GRID2: variants seen among roughly 807,000 people sequenced by gnomAD.
GRID2 encodes glutamate ionotropic receptor delta type subunit 2, also known as glutamate receptor ionotropic, delta-2.
A neutral mutation model predicts 114.8 loss-of-function variants in GRID2; 33 were observed. That is an observed-to-expected ratio of 0.29 (90% CI 0.22 to 0.38). The LOEUF (loss-of-function observed/expected upper bound fraction) is 0.38. GRID2 is among the 10% of genes least tolerant of loss of function. The pLI is 1.00. For synonymous variants in GRID2, 505 were observed against 449.9 expected (o/e 1.12, Z -1.55); for missense variants, 1,184 against 1,257.7 (o/e 0.94, Z 0.89).
chr4:92,573,527 G>A (rs1035091867), intron 1 of GRID2, among the ~76,000 whole-genome samples: 6 of 152,080 alleles, frequency 3.9e-5, no homozygotes, highest in African/African-American at 7.2e-5. Context: ...GTTGTCATTA[G>A]TTACAAAGAA....
At chr4:92,656,543 A>C (rs1236215801) in intron 2 of GRID2, among the ~76,000 whole-genome samples, 1 of 151,740 alleles carries the variant, frequency 6.6e-6, no homozygotes, top group Admixed American at 6.6e-5. Context: ...ATTGGTCTGT[A>C]TAATGGCACA....
intron 2 of GRID2, among the ~76,000 whole-genome samples, chr4:92,848,757 A>T (rs747305694): frequency 7.9e-5 from 12 of 151,896 alleles, no homozygotes; most frequent in Non-Finnish European, 1.8e-4. Flanking sequence ...AGAGGAGATT[A>T]AGTTTAAATG....
chr4:93,154,686 G>A (rs1462744939), intron 4 of GRID2, among the ~76,000 whole-genome samples: 1 of 151,698 alleles, frequency 6.6e-6, no homozygotes. Flanking sequence ...CATTTAATGA[G>A]TATTTGTGAA....
chr4:93,291,791 T>C (rs866856324), intron 8 of GRID2, among the ~76,000 whole-genome samples: 1 of 152,160 alleles, frequency 6.6e-6, no homozygotes, highest in Non-Finnish European at 1.5e-5. Flanking sequence ...TTTTTCTTTT[T>C]TAATTGACAA....
chr4:93,235,024 A>T (rs1436222604), intron 7 of GRID2, among the ~76,000 whole-genome samples: 2 of 152,120 alleles, frequency 1.3e-5, no homozygotes, highest in African/African-American at 4.8e-5. Context: ...TCATAAACAG[A>T]ATGACATAAA....
intron 8 of GRID2, among the ~76,000 whole-genome samples, chr4:93,375,471 A>G (rs1376456784): frequency 6.6e-6 from 1 of 151,912 alleles, no homozygotes; most frequent in Non-Finnish European, 1.5e-5. Context: ...TCATTTTCCC[A>G]AAGTGCTGGG....
chr4:93,083,058 A>G (rs997328218), intron 2 of GRID2, among the ~76,000 whole-genome samples: 2 of 152,134 alleles, frequency 1.3e-5, no homozygotes, highest in African/African-American at 4.8e-5. Flanking sequence ...TTTGTGGTAG[A>G]AGTATGTAAA....
intron 2 of GRID2, among the ~76,000 whole-genome samples, chr4:92,874,729 G>T (rs181052907): frequency 3.3e-5 from 5 of 152,268 alleles, no homozygotes; most frequent in East Asian, 3.9e-4. Flanking sequence ...CGCCATGAGC[G>T]TTTGGGGACT....
chr4:92,525,148 T>C (rs913499430), intron 1 of GRID2, among the ~76,000 whole-genome samples: 1 of 151,884 alleles, frequency 6.6e-6, no homozygotes, highest in Admixed American at 6.6e-5. Flanking sequence ...ATCAAAGAAC[T>C]GGTGGAACCA....
chr4:93,616,924 T>C (rs943187233), intron 13 of GRID2, among the ~76,000 whole-genome samples: 8 of 149,512 alleles, frequency 5.4e-5, no homozygotes, highest in South Asian at 2.1e-4. Flanking sequence ...ACCCGGGAGG[T>C]GGAGCTTGCG....
chr4:93,612,139 C>A (rs1239625498), intron 13 of GRID2, among the ~76,000 whole-genome samples: 3 of 151,906 alleles, frequency 2.0e-5, no homozygotes, highest in Non-Finnish European at 2.9e-5. Flanking sequence ...GCAACCCCTG[C>A]CTTTTTTTGT....
In GRID2 at chr4:93,120,828, C is replaced by T. The variant is rs529094787; in HGVS notation, c.735+9875C>T. Among the ~76,000 whole-genome samples, 8 of 152,186 alleles carry T rather than the reference C, an allele frequency of 5.3e-5. No homozygotes were observed. The East Asian group carries it at 9.7e-4, about 18-fold the overall frequency. Reference sequence around the variant, plus strand: ...ATTAGCCGGGCATGGTGGCGGGCACCTGTAGTCCCAGCTACTCAGGAGGCT... The same window carrying T: ...ATTAGCCGGGCATGGTGGCGGGCACTTGTAGTCCCAGCTACTCAGGAGGCT... On this transcript the variant is annotated intron_variant, in intron 4 of 15. Transcript: ENST00000282020.
At chr4:93,671,181 T>C (rs1413491152) in intron 14 of GRID2, among the ~76,000 whole-genome samples, 2 of 152,198 alleles carry the variant, frequency 1.3e-5, no homozygotes, top group African/African-American at 4.8e-5. Flanking sequence ...CATGTTTCGC[T>C]GTGGCAGAAA....
At chr4:92,350,883 A>G (rs967946762) in intron 1 of GRID2, among the ~76,000 whole-genome samples, 1 of 151,808 alleles carries the variant, frequency 6.6e-6, no homozygotes, top group Non-Finnish European at 1.5e-5. Flanking sequence ...CTGTCTCAAT[A>G]AATTGCCTGT....
intron 1 of GRID2, among the ~76,000 whole-genome samples, chr4:92,421,135 GCT>G (rs974037396): frequency 1.1e-4 from 16 of 151,950 alleles, no homozygotes; most frequent in African/African-American, 3.9e-4. Context: ...TACATGATCA[GCT>G]CTGAGAGCTT....
chr4:92,949,599 T>C (rs2149132048), intron 2 of GRID2, among the ~76,000 whole-genome samples: 1 of 151,620 alleles, frequency 6.6e-6, no homozygotes, highest in Admixed American at 6.6e-5. Flanking sequence ...AAAAAGTAAT[T>C]GCTTTAGCAA....
At chr4:92,642,782 T>C (rs1484617481) in intron 2 of GRID2, among the ~76,000 whole-genome samples, 1 of 151,828 alleles carries the variant, frequency 6.6e-6, no homozygotes, top group Non-Finnish European at 1.5e-5. Flanking sequence ...GGGTTTTTTA[T>C]AGTGTGAGGT....
At chr4:93,522,495 TCA>T (rs1379166329) in intron 13 of GRID2, among the ~76,000 whole-genome samples, 3 of 152,100 alleles carry the variant, frequency 2.0e-5, no homozygotes, top group African/African-American at 7.2e-5. Context: ...AGAGTATATT[TCA>T]CCAGAATTAG....
At chr4:93,310,028 G>C (rs1015588826) in intron 8 of GRID2, among the ~76,000 whole-genome samples, 1 of 152,128 alleles carries the variant, frequency 6.6e-6, no homozygotes, top group Non-Finnish European at 1.5e-5. Flanking sequence ...TCTTCTTCTG[G>C]CTCCCCTGAT....
Sources: gnomAD v4.1 joint callset for allele counts (sites outside exome capture counted in the v4.1 genomes callset) on GRCh38, gnomAD v4.1.1 for gene constraint, MANE v1.5 for transcripts, NCBI Gene and HGNC (gene_info 2026-07-23, HGNC 2026-07-21) for gene names.